Variants in CCDC158 observed in about 807,000 individuals in gnomAD.
The protein encoded by CCDC158 is coiled-coil domain-containing protein 158.
A neutral mutation model predicts 138.6 loss-of-function variants in CCDC158; 116 were observed. The ratio of observed to expected loss-of-function variants is 0.84; its 90% CI spans 0.72 to 0.98. The LOEUF is 0.98. CCDC158 is among the 50% of genes least tolerant of loss of function. The probability of loss-of-function intolerance (pLI) is 0.00; values close to 1 mark genes in which losing one functional copy is unlikely to be tolerated. For synonymous variants in CCDC158, 436 were observed against 442.4 expected (o/e 0.99, Z 0.18); for missense variants, 1,265 against 1,306.1 (o/e 0.97, Z 0.48).
At chr4:76,361,274 C>T (rs960414630) in intron 13 of CCDC158, among the ~76,000 whole-genome samples, 8 of 152,184 alleles carry the variant, frequency 5.3e-5, no homozygotes, top group Non-Finnish European at 1.2e-4. Context: ...ATCAATTACC[C>T]AGTCTGGGCT....
chr4:76,411,622 A>C (rs1460616447), intron 2 of CCDC158, among the ~76,000 whole-genome samples: 1 of 152,216 alleles, frequency 6.6e-6, no homozygotes, highest in South Asian at 2.1e-4. Context: ...TCACCCATAC[A>C]TAATACCATC....
Position 76,357,460 on chromosome 4 carries a change from T to A in CCDC158, c.2087A>T (p.Lys696Met). 1 of 1,605,788 alleles carries A rather than the reference T, an allele frequency of 6.2e-7. No individual in the cohort carries two copies. The highest frequency in any genetic ancestry group is 8.5e-7 in the Non-Finnish European group (1 of 1,175,368). Reference protein sequence around the residue: ...KSEEMEMTTNKLKMQLKSAQS... With the variant: ...KSEEMEMTTNMLKMQLKSAQS... ...TGCAGATTTTAATTGCATTTTCAACTTATTTGTAGTCATTTCCATTTCTTC... is the reference window on the plus strand; with the variant it reads ...TGCAGATTTTAATTGCATTTTCAACATATTTGTAGTCATTTCCATTTCTTC... Residue 696 changes from lysine to methionine, a missense_variant, in exon 14 of 25, where the codon AAG becomes ATG. Transcript: ENST00000682701.
At chr4:76,373,138 C>T (rs559724164) in intron 9 of CCDC158, among the ~76,000 whole-genome samples, 4 of 152,282 alleles carry the variant, frequency 2.6e-5, no homozygotes, top group African/African-American at 7.2e-5. Flanking sequence ...CGTGAGCCAC[C>T]GCGCCCGGCC....
intron 9 of CCDC158, among the ~76,000 whole-genome samples, chr4:76,377,002 G>A (rs1356447855): frequency 6.6e-6 from 1 of 152,168 alleles, no homozygotes; most frequent in African/African-American, 2.4e-5. Flanking sequence ...AAACATTCAT[G>A]TAAAAAGCTT....
intron 12 of CCDC158, among the ~76,000 whole-genome samples, chr4:76,366,897 C>G (rs1724727950): frequency 6.6e-6 from 1 of 151,870 alleles, no homozygotes; most frequent in African/African-American, 2.4e-5. Flanking sequence ...GTTTTGTTTA[C>G]TTTTTGGTTT....
At chr4:76,387,372 C>T (rs10024047) in intron 4 of CCDC158, among the ~76,000 whole-genome samples, 2 of 152,152 alleles carry the variant, frequency 1.3e-5, no homozygotes, top group South Asian at 2.1e-4. Context: ...GTCCTGGAAT[C>T]GTTCATTACC....
chr4:76,319,698 T>C (rs2110070155), intron 24 of CCDC158, among the ~76,000 whole-genome samples: 1 of 151,442 alleles, frequency 6.6e-6, no homozygotes, highest in South Asian at 2.1e-4. Flanking sequence ...AATCATATCA[T>C]CATCTCAAAA....
At chr4:76,413,258 G>C (rs1729432619) in intron 1 of CCDC158, among the ~76,000 whole-genome samples, 1 of 151,996 alleles carries the variant, frequency 6.6e-6, no homozygotes, top group South Asian at 2.1e-4. Flanking sequence ...ATAATTGCTT[G>C]AGCTCAGGAG....
intron 18 of CCDC158, among the ~76,000 whole-genome samples, chr4:76,339,113 T>C (rs78921012): frequency 6.6e-6 from 1 of 152,054 alleles, no homozygotes; most frequent in Non-Finnish European, 1.5e-5. Flanking sequence ...CTTTGTCACA[T>C]GGAGACAAAG....
intron 4 of CCDC158, among the ~76,000 whole-genome samples, chr4:76,387,834 A>T (rs1466415214): frequency 6.7e-6 from 1 of 149,504 alleles, no homozygotes; most frequent in Non-Finnish European, 1.5e-5. Context: ...AAAAAAAAAA[A>T]AAAAAATCAA....
At chr4:76,411,861 A>G (rs1305636936) in intron 2 of CCDC158, among the ~76,000 whole-genome samples, 49 of 152,198 alleles carry the variant, frequency 3.2e-4, no homozygotes, top group Admixed American at 3.2e-3. Context: ...AGACACCTCT[A>G]TGGAACACAG....
Position 76,332,422 on chromosome 4 carries a change from T to C in CCDC158, c.2882+10A>G. On this transcript the variant is annotated intron_variant, in intron 20 of 24. Transcript: ENST00000682701. ...AATTAATTTGATTCAGAATCTCAGATTCTTCTTACCTATGGCACATGTCTG... is the reference window on the plus strand; with the variant it reads ...AATTAATTTGATTCAGAATCTCAGACTCTTCTTACCTATGGCACATGTCTG... 1.2e-6 allele frequency: 2 copies of C among 1,602,686 alleles called. No homozygotes were observed. The highest frequency in any genetic ancestry group is 1.3e-5 in the African/African-American group (1 of 74,660).
At chr4:76,321,309 A>G (rs1719973631) in intron 24 of CCDC158, among the ~76,000 whole-genome samples, 1 of 152,114 alleles carries the variant, frequency 6.6e-6, no homozygotes, top group Admixed American at 6.5e-5. Flanking sequence ...TAAAAAGGGA[A>G]CACTTTTACA....
At chr4:76,361,468 AG>A (rs1378811130) in intron 13 of CCDC158, among the ~76,000 whole-genome samples, 1 of 152,228 alleles carries the variant, frequency 6.6e-6, no homozygotes, top group Non-Finnish European at 1.5e-5. Flanking sequence ...AGGCTGAGGC[AG>A]GAGAATGGCA....
At chr4:76,339,024 C>T (rs1024939886) in intron 18 of CCDC158, among the ~76,000 whole-genome samples, 14 of 152,228 alleles carry the variant, frequency 9.2e-5, no homozygotes, top group African/African-American at 1.9e-4. Flanking sequence ...TTGCAATAGA[C>T]GGTTCAAATT....
intron 4 of CCDC158, among the ~76,000 whole-genome samples, chr4:76,385,747 C>A (rs1474523736): frequency 6.6e-6 from 1 of 152,050 alleles, no homozygotes; most frequent in Admixed American, 6.5e-5. Context: ...GAAAGGCACA[C>A]ATCTACAGAC....
At chr4:76,402,940 T>A (rs1005726781) in intron 3 of CCDC158, among the ~76,000 whole-genome samples, 198 bp downstream of exon 3, 1 of 152,196 alleles carries the variant, frequency 6.6e-6, no homozygotes, top group Middle Eastern at 3.2e-3. Context: ...TGTAGAAACA[T>A]TTTTAAAACA....
At chr4:76,419,882 G>A (rs1252189475) in intron 1 of CCDC158, among the ~76,000 whole-genome samples, 1 of 149,138 alleles carries the variant, frequency 6.7e-6, no homozygotes, top group African/African-American at 2.5e-5. Flanking sequence ...GCTGGGGGAC[G>A]GGTGGATCAC....
At chr4:76,402,387 G>A (rs924422626) in intron 3 of CCDC158, among the ~76,000 whole-genome samples, 1 of 152,210 alleles carries the variant, frequency 6.6e-6, no homozygotes, top group East Asian at 1.9e-4. Context: ...TCTCAGATGA[G>A]GATCTGGTAG....
Sources: allele counts gnomAD v4.1 joint callset (sites outside exome capture counted in the v4.1 genomes callset), GRCh38; gene constraint gnomAD v4.1.1; transcripts MANE v1.5; gene names NCBI Gene and HGNC (gene_info 2026-07-23, HGNC 2026-07-21).